Variants in BLTP2 observed in about 807,000 individuals in gnomAD.
BLTP2 encodes the protein bridge-like lipid transfer protein family member 2, also known as U937-associated antigen.
the BLTP2 span, chr17:28,642,398 C>A: frequency 7.1e-7 from 1 of 1,408,872 alleles, no homozygotes; most frequent in Non-Finnish European, 1.0e-6. Flanking sequence ...ACGCCTGTAA[C>A]CCCAGCACTT....
At chr17:28,634,885 C>T in the BLTP2 span, 1 of 1,613,998 alleles carries the variant, frequency 6.2e-7, no homozygotes, top group Non-Finnish European at 8.5e-7. Flanking sequence ...ACTCTCCTTA[C>T]TTTCATCCTT....
At chr17:28,616,591 C>T in the BLTP2 span, 8 of 1,614,088 alleles carry the variant, frequency 5.0e-6, no homozygotes, top group Non-Finnish European at 6.8e-6. This position sits in a 1 kb window ranked among gnomAD's most constrained non-coding sequence, Gnocchi z 4.8. Flanking sequence ...CCCTATTCTT[C>T]TGGGGCTCCA....
chr17:28,614,597 A>C, the BLTP2 span: 1 of 160,508 alleles, frequency 6.2e-6, no homozygotes, highest in East Asian at 1.8e-4. Flanking sequence ...GGAGGGGTTG[A>C]CCCCCACTCC....
the BLTP2 span, chr17:28,634,540 T>C: frequency 6.2e-7 from 1 of 1,613,896 alleles, no homozygotes; most frequent in Non-Finnish European, 8.5e-7. Context: ...GACATTGCAC[T>C]TGAGCATTCG....
At chr17:28,628,716 C>T in the BLTP2 span, among the ~76,000 whole-genome samples, 4 of 152,106 alleles carry the variant, frequency 2.6e-5, no homozygotes, top group Non-Finnish European at 4.4e-5. Context: ...GGGCAAATCA[C>T]GAGATCAGGA....
chr17:28,639,463 G>A, the BLTP2 span: 12 of 1,612,090 alleles, frequency 7.4e-6, no homozygotes, highest in South Asian at 1.3e-4. Context: ...GTGGTCACCT[G>A]AAATAAGAAG....
chr17:28,624,372 T>C, the BLTP2 span: 1 of 1,613,364 alleles, frequency 6.2e-7, no homozygotes, highest in Non-Finnish European at 8.5e-7. Flanking sequence ...TTCAATTAGC[T>C]TCTGCAACAT....
At chr17:28,631,506 T>C in the BLTP2 span, 8 of 1,613,704 alleles carry the variant, frequency 5.0e-6, no homozygotes, top group Admixed American at 1.7e-5. Context: ...TGCTATGCCG[T>C]TGGTAGGTGA....
At chr17:28,615,787 GTTC>G in the BLTP2 span, 8 of 1,614,074 alleles carry the variant, frequency 5.0e-6, no homozygotes, top group East Asian at 2.2e-5. Flanking sequence ...AGTCCACACT[GTTC>G]TTCTCACCCT....
chr17:28,644,118 G>C, the BLTP2 span: 1 of 1,614,224 alleles, frequency 6.2e-7, no homozygotes, highest in Non-Finnish European at 8.5e-7. Flanking sequence ...AAAAGCGGAA[G>C]GAGCCAATCT....
At chr17:28,620,004 C>T in the BLTP2 span, 1 of 1,613,166 alleles carries the variant, frequency 6.2e-7, no homozygotes, top group Non-Finnish European at 8.5e-7. Flanking sequence ...GTTGCTTCTT[C>T]TCACTATGTT....
chr17:28,615,281 A>G, the BLTP2 span: 2 of 1,531,254 alleles, frequency 1.3e-6, no homozygotes, highest in Non-Finnish European at 1.8e-6. Flanking sequence ...GAAAATGTAA[A>G]TATTAGTGGG....
At chr17:28,620,401 G>T in the BLTP2 span, 1 of 1,279,706 alleles carries the variant, frequency 7.8e-7, no homozygotes, top group Non-Finnish European at 1.1e-6. Context: ...CAACCACAAG[G>T]CCCTTTTTCA....
chr17:28,634,080 A>T, the BLTP2 span: 8 of 1,613,888 alleles, frequency 5.0e-6, no homozygotes, highest in Non-Finnish European at 6.8e-6. Flanking sequence ...ATAGTCCCTG[A>T]TCCGAACTGT....
chr17:28,640,731 C>T, the BLTP2 span: 1 of 1,594,600 alleles, frequency 6.3e-7, no homozygotes, highest in Non-Finnish European at 8.6e-7. Context: ...CTTAACACTC[C>T]CAGTTCTCCC....
At chr17:28,624,929 GCA>G in the BLTP2 span, among the ~76,000 whole-genome samples, 1 of 152,274 alleles carries the variant, frequency 6.6e-6, no homozygotes, top group Non-Finnish European at 1.5e-5. Flanking sequence ...ATGGTTAAGA[GCA>G]CAGTCTCCAG....
chr17:28,620,188 A>C, the BLTP2 span: 1 of 669,098 alleles, frequency 1.5e-6, no homozygotes, highest in Non-Finnish European at 2.5e-6. Flanking sequence ...GGCAATGTGG[A>C]TTTCACAATA....
the BLTP2 span, chr17:28,642,004 G>A: frequency 1.6e-5 from 26 of 1,614,080 alleles, no homozygotes; most frequent in East Asian, 6.7e-5. Context: ...TGATAGCAGT[G>A]AGATGCCGAC....
At chr17:28,616,657 C>T in the BLTP2 span, 4 of 1,614,238 alleles carry the variant, frequency 2.5e-6, no homozygotes, top group Admixed American at 6.7e-5. The surrounding 1 kb of genome is among the most constrained non-coding windows in gnomAD (Gnocchi z 4.8). Context: ...TCATCACCAA[C>T]TTCATCATCT....
Sources: gnomAD v4.1 joint callset for allele counts (sites outside exome capture counted in the v4.1 genomes callset) on GRCh38, gnomAD v4.1.1 for gene constraint, Gnocchi (gnomAD v3.1) non-coding constraint, MANE v1.5 for transcripts, NCBI Gene and HGNC (gene_info 2026-07-23, HGNC 2026-07-21) for gene names.